Variants in ZEB1 observed in about 807,000 individuals in gnomAD.
ZEB1 encodes the protein zinc finger E-box binding homeobox 1.
A neutral mutation model predicts 84.9 loss-of-function variants in ZEB1; 21 were observed. The observed-to-expected ratio is 0.25, with a 90% CI of 0.18 to 0.36. ZEB1 has a LOEUF of 0.36. Among genes scored for constraint, ZEB1 ranks in the 10% least tolerant of loss-of-function variants. ZEB1 has a pLI of 1.00. For synonymous variants in ZEB1, 420 were observed against 471.1 expected, an observed-to-expected ratio of 0.89 and a Z score of 1.41; for missense variants, 1,104 against 1,330.2, an observed-to-expected ratio of 0.83 and a Z score of 2.65.
At chr10:31,382,028 A>C (rs948616236) in intron 1 of ZEB1, among the ~76,000 whole-genome samples, 16 of 145,152 alleles carry the variant, frequency 1.1e-4, no homozygotes, top group African/African-American at 3.3e-4. Context: ...AAAAAAAAAA[A>C]AAAAAACAAA....
At chr10:31,490,090 C>T (rs1042662437) in intron 2 of ZEB1, among the ~76,000 whole-genome samples, 2 of 151,246 alleles carry the variant, frequency 1.3e-5, no homozygotes, top group African/African-American at 2.4e-5. Context: ...TATATTATTT[C>T]CTCTGGCTCT....
chr10:31,465,658 G>T (rs2062328753), intron 2 of ZEB1, among the ~76,000 whole-genome samples: 1 of 152,058 alleles, frequency 6.6e-6, no homozygotes, highest in Admixed American at 6.5e-5. Context: ...TGTGTCACCA[G>T]GGTAGAGTGC....
chr10:31,389,387 A>G lies in ZEB1; in HGVS notation c.58+70095A>G, dbSNP rs184289180. 7.4e-4 allele frequency among the ~76,000 whole-genome samples: 113 copies of G among 152,200 alleles called. No homozygotes were observed. The Middle Eastern group carries it at 0.014, about 18-fold the overall frequency. On this transcript the variant is annotated intron_variant, in intron 1 of 8. Coordinates refer to ENST00000424869, the MANE Select transcript of ZEB1 (RefSeq NM_001174096.2). The stretch of plus-strand genomic sequence containing the variant: ...TAGTGTTTATTTCTTTTTTCTAATC[A>G]TGTAAGAATTTGTCAAAGATCAGGT...
chr10:31,335,671 T>C (rs1033305731), intron 1 of ZEB1, among the ~76,000 whole-genome samples: 5 of 152,166 alleles, frequency 3.3e-5, no homozygotes, highest in Non-Finnish European at 1.5e-5. Flanking sequence ...TTCTTTCCAC[T>C]TCATGGTAAA....
chr10:31,451,332 C>G (rs2060540764), intron 1 of ZEB1, among the ~76,000 whole-genome samples: 1 of 152,046 alleles, frequency 6.6e-6, no homozygotes, highest in African/African-American at 2.4e-5. Context: ...TAATTTTTTT[C>G]TCTAGGATTA....
chr10:31,355,891 T>C (rs1279207623), intron 1 of ZEB1, among the ~76,000 whole-genome samples: 2 of 152,114 alleles, frequency 1.3e-5, no homozygotes, highest in Non-Finnish European at 2.9e-5. Context: ...CATGATTAAA[T>C]TTTTCATTTG....
At chr10:31,436,827 A>G (rs2058344660) in intron 1 of ZEB1, among the ~76,000 whole-genome samples, 1 of 152,202 alleles carries the variant, frequency 6.6e-6, no homozygotes, top group Non-Finnish European at 1.5e-5. Flanking sequence ...ATATGGTATT[A>G]AATTTTCTAT....
chr10:31,342,970 G>T (rs557829858), intron 1 of ZEB1, among the ~76,000 whole-genome samples: 71 of 152,130 alleles, frequency 4.7e-4, no homozygotes, highest in Non-Finnish European at 6.0e-4. Context: ...TTTTGTTTGT[G>T]TTTGTGGCAG....
At chr10:31,422,289 C>T (rs939851386) in intron 1 of ZEB1, among the ~76,000 whole-genome samples, 1 of 152,134 alleles carries the variant, frequency 6.6e-6, no homozygotes, top group African/African-American at 2.4e-5. Context: ...GAGTGAAGTT[C>T]TGAAGCTATG....
chr10:31,400,921 ATTAT>A (rs1202953996), intron 1 of ZEB1, among the ~76,000 whole-genome samples: 1 of 152,186 alleles, frequency 6.6e-6, no homozygotes, highest in Non-Finnish European at 1.5e-5. Context: ...AATTTTCTCA[ATTAT>A]GACATACATT....
rs553609833 is a variant in ZEB1, at chr10:31,427,815, C to T, written c.59-33222C>T. 2.0e-4 allele frequency among the ~76,000 whole-genome samples: 29 copies of T among 148,646 alleles called. No homozygotes were observed. The South Asian group carries it at 5.3e-3, about 27-fold the overall frequency. ...TGGAGCTTGCAGTGAGCCGAGATTG[C>T]GCCACTGCACTCCAGCCTGGGCAAC... On this transcript the variant is annotated intron_variant, in intron 1 of 8. Transcript: ENST00000424869.
intron 8 of ZEB1, among the ~76,000 whole-genome samples, chr10:31,525,525 C>G (rs2073263840): frequency 6.6e-6 from 1 of 152,188 alleles, no homozygotes; most frequent in South Asian, 2.1e-4. Context: ...ACTCCTGTGT[C>G]TCTCTCTAAC....
chr10:31,321,668 T>C (rs935223516), intron 1 of ZEB1: 2 of 1,241,196 alleles, frequency 1.6e-6, no homozygotes, highest in East Asian at 2.3e-5. Context: ...GTGCAGCTGC[T>C]GTAAACATGT....
chr10:31,354,389 C>T (rs575268817), intron 1 of ZEB1, among the ~76,000 whole-genome samples: 1 of 152,232 alleles, frequency 6.6e-6, no homozygotes, highest in African/African-American at 2.4e-5. Context: ...TCTAAAAGCT[C>T]ATCAATTGTA....
At chr10:31,322,374 T>C (rs1463905997) in intron 1 of ZEB1, among the ~76,000 whole-genome samples, 2 of 152,230 alleles carry the variant, frequency 1.3e-5, no homozygotes, top group Non-Finnish European at 2.9e-5. Context: ...ATATATACAG[T>C]GGAAGATTGT....
At chr10:31,509,258 C>G (rs1338566307) in intron 4 of ZEB1, among the ~76,000 whole-genome samples, 4 of 152,138 alleles carry the variant, frequency 2.6e-5, no homozygotes, top group African/African-American at 9.7e-5. Context: ...CACATACCTC[C>G]CTGTGTTAGT....
intron 7 of ZEB1, 115 bp downstream of exon 7, chr10:31,522,051 T>A (rs1168387411): frequency 6.8e-7 from 1 of 1,468,426 alleles, no homozygotes; most frequent in African/African-American, 1.4e-5. Flanking sequence ...TTACAAACTG[T>A]CATTTTTAAA....
At chr10:31,402,091 TTTG>T (rs578068558) in intron 1 of ZEB1, among the ~76,000 whole-genome samples, 27 of 151,330 alleles carry the variant, frequency 1.8e-4, no homozygotes, top group Admixed American at 8.5e-4. Flanking sequence ...AAGTCAGTAT[TTTG>T]TTGTTGTTGT....
intron 1 of ZEB1, chr10:31,361,027 C>G (rs1023091484): frequency 7.5e-6 from 12 of 1,610,240 alleles, no homozygotes; most frequent in Non-Finnish European, 4.2e-6. Context: ...TGCTTACCAT[C>G]TTATTTTGGA....
Sources: allele counts gnomAD v4.1 joint callset (sites outside exome capture counted in the v4.1 genomes callset), GRCh38; gene constraint gnomAD v4.1.1; transcripts MANE v1.5; gene names NCBI Gene and HGNC (gene_info 2026-07-23, HGNC 2026-07-21).